The following ANXA3 variants were observed in gnomAD, a reference collection of about 807,000 sequenced individuals.
ANXA3 encodes annexin A3, also known as 35-alpha calcimedin.
A neutral mutation model predicts 48.8 loss-of-function variants in ANXA3; 46 were observed. The ratio of observed to expected loss-of-function variants is 0.94; its 90% CI spans 0.74 to 1.21. The LOEUF is 1.21. Ranked by LOEUF, ANXA3 falls within the 50% of genes most tolerant of loss-of-function variation. ANXA3 has a pLI of 0.00. For synonymous variants in ANXA3, 128 were observed against 134.7 expected (o/e 0.95, Z 0.35); for missense variants, 383 against 378.6 (o/e 1.01, Z -0.10).
chr4:78,570,750 A>G (rs1484516529), intron 2 of ANXA3, among the ~76,000 whole-genome samples: 2 of 152,216 alleles, frequency 1.3e-5, no homozygotes, highest in African/African-American at 2.4e-5. Context: ...TGTTATGCAG[A>G]TTATAATTAA....
At chr4:78,561,894 A>G (rs1052537744) in intron 2 of ANXA3, among the ~76,000 whole-genome samples, 8 of 152,220 alleles carry the variant, frequency 5.3e-5, no homozygotes, top group Admixed American at 3.9e-4. Flanking sequence ...AAATCAAAAC[A>G]TTTAAGCTTT....
intron 12 of ANXA3, among the ~76,000 whole-genome samples, chr4:78,604,954 C>T (rs1389014104): frequency 6.6e-6 from 1 of 152,104 alleles, no homozygotes; most frequent in Non-Finnish European, 1.5e-5. Flanking sequence ...TCATCAGGTA[C>T]GAGTGTATCT....
At chr4:78,572,863 G>A (rs1722867197) in intron 2 of ANXA3, among the ~76,000 whole-genome samples, 1 of 152,186 alleles carries the variant, frequency 6.6e-6, no homozygotes, top group African/African-American at 2.4e-5. Context: ...TTTTACAAGG[G>A]TAGTTTAGCT....
chr4:78,585,658 G>C (rs558344416), intron 5 of ANXA3, among the ~76,000 whole-genome samples: 1 of 152,342 alleles, frequency 6.6e-6, no homozygotes, highest in Non-Finnish European at 1.5e-5. Context: ...GCTACAGAGA[G>C]ACAGAATTCA....
chr4:78,597,300 T>C lies in ANXA3; in HGVS notation c.635-19T>C. ...CTCAACTGCGTTGCTTTAAATAATT[T>C]TGTGGTGCTTCTTTTTAGCATTTGA... On this transcript the variant is annotated intron_variant, in intron 9 of 12. Coordinates refer to ENST00000264908, the MANE Select transcript of ANXA3 (RefSeq NM_005139.3). 1 of 1,514,658 alleles carries C rather than the reference T, an allele frequency of 6.6e-7. No individual in the cohort carries two copies. Among genetic ancestry groups the C allele is most frequent in the Non-Finnish European group, 9.1e-7 (1 of 1,093,840 alleles). The allele number at this position is 1,514,658 out of a possible 1,614,324, so 93.8% of individuals were successfully genotyped here.
Position 78,588,836 on chromosome 4 carries a change from G to A in ANXA3, c.403+2486G>A, listed in dbSNP as rs77434075. ...TGGAACCTAATAGGGAGCGGGTACA[G>A]ACAGAAGTAGACAAGAGAATTGCTT... On this transcript the variant is annotated intron_variant, in intron 6 of 12. Coordinates refer to ENST00000264908, the MANE Select transcript of ANXA3 (RefSeq NM_005139.3). 3.8e-4 allele frequency among the ~76,000 whole-genome samples: 58 copies of A among 152,326 alleles called. No homozygotes were observed. The East Asian group carries it at 0.01, about 27-fold the overall frequency.
At position 78,597,377 on chromosome 4, in the gene ANXA3, A is replaced by C; in HGVS notation, c.693A>C (p.Glu231Asp). ...ACATTGTGGACAGCATAAAAGGAGA[A>C]TTATCTGGGCATTTTGAAGACTTAC... ...QKDIVDSIKG[E>D]LSGHFEDLLL... The change falls in exon 10 of 13, where the codon GAA becomes GAC. Residue 231 changes from glutamate to aspartate, a missense_variant. Coordinates refer to ENST00000264908, the MANE Select transcript of ANXA3 (RefSeq NM_005139.3). 1 of 1,610,586 alleles carries C rather than the reference A, an allele frequency of 6.2e-7. No individual in the cohort carries two copies. The highest frequency in any genetic ancestry group is 1.1e-5 in the South Asian group (1 of 90,186).
intron 11 of ANXA3, chr4:78,604,018 T>C (rs1463417529): frequency 1.0e-5 from 3 of 294,726 alleles, no homozygotes; most frequent in African/African-American, 4.3e-5. Flanking sequence ...GCTTACTTTC[T>C]TGCCTGTATT....
intron 2 of ANXA3, among the ~76,000 whole-genome samples, chr4:78,568,423 T>C (rs184286934): frequency 7.4e-4 from 113 of 152,368 alleles, no homozygotes; most frequent in Admixed American, 1.4e-3. Context: ...GAGAGCTCCT[T>C]GTCCTGGAGT....
chr4:78,594,192 G>A (rs928491592), intron 7 of ANXA3, among the ~76,000 whole-genome samples: 5 of 152,074 alleles, frequency 3.3e-5, no homozygotes, highest in Non-Finnish European at 5.9e-5. Context: ...TTAGCTATAT[G>A]CCTTTAAGGT....
chr4:78,605,469 G>A (rs768408424), intron 12 of ANXA3, among the ~76,000 whole-genome samples: 1 of 151,688 alleles, frequency 6.6e-6, no homozygotes, highest in African/African-American at 2.4e-5. Flanking sequence ...GTTCTTTTTG[G>A]TCAGTTTCTA....
chr4:78,595,130 A>C (rs9307406), intron 7 of ANXA3, among the ~76,000 whole-genome samples: 11,257 of 152,062 alleles, frequency 0.074, 1,340 homozygotes, highest in African/African-American at 0.25. Context: ...GAGAGTGAGA[A>C]CCTGTCTCTA....
In ANXA3 at chr4:78,587,347, T is replaced by G. The variant is rs113394546; in HGVS notation, c.403+997T>G. ...TTAATCATATGGTTGATCTTTCTGA[T>G]GTGACCAGCCTTTATTCTGGGTCAT... is the stretch of plus-strand genomic sequence containing the variant. On this transcript the variant is annotated intron_variant, in intron 6 of 12. Transcript: ENST00000264908. Among the ~76,000 whole-genome samples, 159 of 152,364 alleles carry G rather than the reference T, an allele frequency of 1.0e-3. 1 individual carries two copies. The highest frequency in any genetic ancestry group is 1.8e-3 in the Non-Finnish European group (122 of 68,030).
intron 2 of ANXA3, among the ~76,000 whole-genome samples, chr4:78,567,778 G>C (rs1046499399): frequency 1.3e-5 from 2 of 152,156 alleles, no homozygotes; most frequent in African/African-American, 4.8e-5. Flanking sequence ...TTTAACCTTT[G>C]TTCTCCCTGG....
chr4:78,581,834 C>A (rs1001688284), intron 4 of ANXA3, among the ~76,000 whole-genome samples: 22 of 152,078 alleles, frequency 1.4e-4, no homozygotes, highest in African/African-American at 5.3e-4. Context: ...TGAAGCTGGG[C>A]GTGAATTTAT....
intron 1 of ANXA3, among the ~76,000 whole-genome samples, chr4:78,552,679 A>T (rs1722424175): frequency 2.0e-5 from 3 of 152,178 alleles, no homozygotes; most frequent in African/African-American, 7.2e-5. Flanking sequence ...CTTTCCAAGG[A>T]TTTGTGTTCA....
chr4:78,601,374 C>A, intron 10 of ANXA3, 136 bp from the exon 11 acceptor site: 2 of 693,618 alleles, frequency 2.9e-6, no homozygotes, highest in Non-Finnish European at 4.9e-6. Context: ...TCTTTCATTC[C>A]AAGTAAAAGC....
At chr4:78,605,232 G>C (rs1723622613) in intron 12 of ANXA3, among the ~76,000 whole-genome samples, 1 of 152,090 alleles carries the variant, frequency 6.6e-6, no homozygotes, top group Non-Finnish European at 1.5e-5. Flanking sequence ...AGAACTCCTG[G>C]GCTCGAGCAG....
At chr4:78,572,305 G>A (rs747163348) in intron 2 of ANXA3, among the ~76,000 whole-genome samples, 8 of 152,152 alleles carry the variant, frequency 5.3e-5, no homozygotes, top group Admixed American at 3.3e-4. Flanking sequence ...CTGTGTCTGG[G>A]GGGTAGACCA....
Sources: allele counts gnomAD v4.1 joint callset (sites outside exome capture counted in the v4.1 genomes callset), GRCh38; gene constraint gnomAD v4.1.1; transcripts MANE v1.5; gene names NCBI Gene and HGNC (gene_info 2026-07-23, HGNC 2026-07-21).